PPL: variants seen among roughly 807,000 people sequenced by gnomAD.
The protein encoded by PPL is 190 kDa paraneoplastic pemphigus antigen.
PPL carries 198 observed loss-of-function variants against 194.4 expected under a neutral mutation model. The ratio of observed to expected loss-of-function variants is 1.02; its 90% CI spans 0.91 to 1.15. PPL has a LOEUF of 1.15. Among genes scored for constraint, PPL ranks in the 50% most tolerant of loss-of-function variants. PPL has a pLI of 0.00. For synonymous variants in PPL, 1,220 were observed against 972.4 expected (o/e 1.25, Z -4.74); for missense variants, 2,885 against 2,294.8 (o/e 1.26, Z -5.25).
At chr16:4,903,773 C>T (rs1009664543) in intron 3 of PPL, 113 bp downstream of exon 3, 3 of 1,278,646 alleles carry the variant, frequency 2.3e-6, no homozygotes, top group Non-Finnish European at 2.2e-6. Context: ...TGCCTGGCAC[C>T]TAATTAGCCC....
chr16:4,896,778 G>A (rs1418916688), intron 9 of PPL, among the ~76,000 whole-genome samples: 2 of 151,500 alleles, frequency 1.3e-5, no homozygotes, highest in Non-Finnish European at 2.9e-5. Context: ...TGGGACTACA[G>A]ATATGGGCCA....
At chr16:4,922,585 C>T (rs934077565) in intron 1 of PPL, among the ~76,000 whole-genome samples, 2 of 152,142 alleles carry the variant, frequency 1.3e-5, no homozygotes, top group African/African-American at 4.8e-5. Context: ...TCGCTTGAGC[C>T]TGGGAGGCGG....
At chr16:4,920,207 C>T (rs11865981) in intron 1 of PPL, among the ~76,000 whole-genome samples, 2 of 150,950 alleles carry the variant, frequency 1.3e-5, no homozygotes, top group African/African-American at 4.9e-5. Flanking sequence ...TTGCTTGAAC[C>T]TGGGAGGTGG....
At chr16:4,887,092 G>A in intron 21 of PPL, 43 bp downstream of exon 21, 1 of 1,466,228 alleles carries the variant, frequency 6.8e-7, no homozygotes, top group Non-Finnish European at 9.6e-7. Flanking sequence ...TTTGTCACCT[G>A]TTAGAACAGC....
At position 4,890,862 on chromosome 16, in the gene PPL, C is replaced by T. The variant is rs1253165231; in HGVS notation, c.2028G>A (p.Leu676=). The T allele has an allele frequency of 1.3e-6, 2 of 1,554,980 alleles. No homozygotes were observed. Among genetic ancestry groups the T allele is most frequent in the African/African-American group, 1.4e-5 (1 of 73,464 alleles). ...KSLLGEVEQN[L]QAAKQCSSTL... ...TGCTCGAGCACTGCTTGGCCGCCTG[C>T]AAGTTCTGCTCCACCTCACCCAGGA... Residue 676 remains leucine, a synonymous_variant, in exon 17 of 22, where the codon TTG becomes TTA. Coordinates refer to ENST00000345988, the MANE Select transcript of PPL (RefSeq NM_002705.5).
chr16:4,892,674 A>T (rs1330455406), intron 14 of PPL: 1 of 164,604 alleles, frequency 6.1e-6, no homozygotes, highest in Non-Finnish European at 1.3e-5. Context: ...GGGCTATGGC[A>T]CTTCTCCAAT....
chr16:4,912,909 G>C (rs367613816), intron 1 of PPL, among the ~76,000 whole-genome samples: 4 of 152,172 alleles, frequency 2.6e-5, no homozygotes, highest in Admixed American at 2.0e-4. Context: ...TTTGAGACCA[G>C]CCTGGCCAAC....
At chr16:4,903,189 C>T (rs1288195275) in intron 3 of PPL, among the ~76,000 whole-genome samples, 1 of 151,874 alleles carries the variant, frequency 6.6e-6, no homozygotes. Context: ...CCTGCCCTTG[C>T]CGGGGTGGAG....
rs777290550 is a variant in PPL at position 4,884,516 on chromosome 16, C to T, written c.4139G>A (p.Arg1380Gln). ...CTCTGCCCGCAGCTTGTCAATCTGC[C>T]GCAGCTCCACATCGATGCTCTCGGC... ...AFAESIDVEL[R>Q]QIDKLRAELR... Residue 1380 changes from arginine to glutamine, a missense_variant, in exon 22 of 22, where the codon CGG becomes CAG. Transcript: ENST00000345988. The surrounding 1 kb of genome is among the most constrained non-coding windows in gnomAD (Gnocchi z 5.7). 17 of 1,610,560 alleles carry T rather than the reference C, an allele frequency of 1.1e-5. No homozygotes were observed. The highest frequency in any genetic ancestry group is 2.2e-5 in the East Asian group (1 of 44,858).
rs1221868788 is a variant in PPL, at chr16:4,901,075, G to A, written c.453C>T (p.Asn151=). The change falls in exon 5 of 22, where the codon AAC becomes AAT. Residue 151 remains asparagine (N), a synonymous_variant. Coordinates refer to ENST00000345988, the MANE Select transcript of PPL (RefSeq NM_002705.5). ...GCGGCAGGTCAGTCCCAAAGCTCTG[G>A]TTGTTCAGCTTGTCCTGGCCAGGAG... ...LVEEKLDKLN[N]QSFGTDLPLV... The A allele has an allele frequency of 1.9e-5, 30 of 1,614,176 alleles. No homozygotes were observed. Among genetic ancestry groups the A allele is most frequent in the Non-Finnish European group, 2.5e-5 (29 of 1,180,032 alleles).
chr16:4,890,896 T>G lies in PPL; in HGVS notation c.1994A>C (p.Gln665Pro), dbSNP rs74003543. ...LAAMACELQA[Q>P]KSLLGEVEQN... is the part of the protein sequence containing the mutation. ...CTCCACCTCACCCAGGAGGGACTTCTGGGCCTGTAACTCACAGGCCATGGC... is the reference window on the plus strand; with the variant it reads ...CTCCACCTCACCCAGGAGGGACTTCGGGGCCTGTAACTCACAGGCCATGGC... Residue 665 changes from glutamine to proline, a missense_variant, in exon 17 of 22, where the codon CAG (glutamine) becomes CCG (proline). By Grantham distance (76) the Gln-to-Pro change is moderately conservative. Coordinates refer to ENST00000345988, the MANE Select transcript of PPL (RefSeq NM_002705.5). 6.5e-7 allele frequency: 1 copy of G among 1,535,132 alleles called. No individual in the cohort carries two copies. The highest frequency in any genetic ancestry group is 1.4e-5 in the African/African-American group (1 of 72,678).
chr16:4,921,383 G>C (rs2089046371), intron 1 of PPL, among the ~76,000 whole-genome samples: 2 of 152,344 alleles, frequency 1.3e-5, no homozygotes, highest in Admixed American at 6.5e-5. Flanking sequence ...GGAACCACTA[G>C]GGAGGGGGCC....
chr16:4,904,716 C>T, intron 2 of PPL, among the ~76,000 whole-genome samples: 1 of 152,186 alleles, frequency 6.6e-6, no homozygotes, highest in South Asian at 2.1e-4. Context: ...CTAGAACACA[C>T]AATGGCTGCA....
At chr16:4,922,128 A>G (rs748014693) in intron 1 of PPL, among the ~76,000 whole-genome samples, 6 of 152,210 alleles carry the variant, frequency 3.9e-5, no homozygotes, top group Non-Finnish European at 8.8e-5. Flanking sequence ...CACCCAGACC[A>G]AAGCCAGACA....
chr16:4,910,886 C>T lies in PPL; in HGVS notation c.126G>A (p.Glu42=), dbSNP rs759736326. The change falls in exon 2 of 22, where the codon GAG becomes GAA. Residue 42 remains glutamate (E), a synonymous_variant. Transcript: ENST00000345988. ...EQLQKNADQV[E]KNIVDTEAKM... ...TGGCCTCTGTGTCCACGATGTTCTT[C>T]TCCACCTGGTCGGCATTCTTCTGCA... The T allele has an allele frequency of 6.8e-6, 11 of 1,614,010 alleles. No homozygotes were observed. The South Asian group carries it at 8.8e-5, about 13-fold the overall frequency.
chr16:4,891,743 C>T (rs115995340), intron 16 of PPL, 68 bp downstream of exon 16: 101,760 of 1,524,804 alleles, frequency 0.067, 3,620 homozygotes, highest in Non-Finnish European at 0.073. Flanking sequence ...TCCAGACGGG[C>T]GGGTGGATGT....
intron 1 of PPL, among the ~76,000 whole-genome samples, chr16:4,935,892 G>C (rs1208929218): frequency 1.3e-5 from 2 of 152,168 alleles, no homozygotes; most frequent in African/African-American, 2.4e-5. Context: ...AGAACTCCCA[G>C]ACAGGAGAGC....
chr16:4,931,342 T>A (rs2089222887), intron 1 of PPL, among the ~76,000 whole-genome samples: 1 of 151,970 alleles, frequency 6.6e-6, no homozygotes, highest in South Asian at 2.1e-4. Context: ...CCAATCTGGG[T>A]GATACAGTGA....
intron 9 of PPL, 72 bp from the exon 10 acceptor site, chr16:4,895,788 A>G: frequency 6.2e-7 from 1 of 1,603,868 alleles, no homozygotes; most frequent in Non-Finnish European, 8.5e-7. Flanking sequence ...GGAGGCTTCA[A>G]GCTCATCCCT....
Sources: gnomAD v4.1 joint callset for allele counts (sites outside exome capture counted in the v4.1 genomes callset) on GRCh38, gnomAD v4.1.1 for gene constraint, Gnocchi (gnomAD v3.1) non-coding constraint, MANE v1.5 for transcripts, NCBI Gene and HGNC (gene_info 2026-07-23, HGNC 2026-07-21) for gene names.